Variants in GRID2 observed in about 807,000 individuals in gnomAD.
GRID2 encodes the protein glutamate receptor ionotropic, delta-2.
A neutral mutation model predicts 114.8 loss-of-function variants in GRID2; 33 were observed. That is an observed-to-expected ratio of 0.29 (90% CI 0.22 to 0.38). The LOEUF is 0.38. Ranked by LOEUF, GRID2 falls within the 10% of genes least tolerant of loss-of-function variation. The pLI is 1.00. For missense variants in GRID2, 1,184 were observed against 1,257.7 expected (o/e 0.94, Z 0.89); for synonymous variants, 505 against 449.9 (o/e 1.12, Z -1.55).
intron 1 of GRID2, among the ~76,000 whole-genome samples, chr4:92,409,771 A>G (rs908524483): frequency 2.0e-5 from 3 of 152,218 alleles, no homozygotes; most frequent in South Asian, 2.1e-4. Context: ...TTTAGTTTCA[A>G]CATCCCTGCA....
intron 14 of GRID2, among the ~76,000 whole-genome samples, chr4:93,681,833 G>T (rs1725576647): frequency 6.6e-6 from 1 of 152,042 alleles, no homozygotes; most frequent in African/African-American, 2.4e-5. Flanking sequence ...AACCCTAGAA[G>T]AAAACCTAGG....
At chr4:93,389,737 A>T (rs979670077) in intron 8 of GRID2, among the ~76,000 whole-genome samples, 5 of 152,162 alleles carry the variant, frequency 3.3e-5, no homozygotes, top group Admixed American at 3.3e-4. Flanking sequence ...AAAGAGGTTA[A>T]GTAGCCATTC....
At chr4:93,502,790 T>A (rs897901125) in intron 12 of GRID2, among the ~76,000 whole-genome samples, 11 of 146,746 alleles carry the variant, frequency 7.5e-5, no homozygotes, top group Non-Finnish European at 1.3e-4. Flanking sequence ...GCCCAGATGC[T>A]AAAGAGGGAT....
At chr4:92,714,800 C>T (rs1735451214) in intron 2 of GRID2, among the ~76,000 whole-genome samples, 1 of 152,126 alleles carries the variant, frequency 6.6e-6, no homozygotes, top group Non-Finnish European at 1.5e-5. Flanking sequence ...GTCCCTAGAG[C>T]ACACAGCAGA....
At chr4:93,795,178 ATTTCT>A (rs10542074) in intron 1 of GRID2, among the ~76,000 whole-genome samples, 32,924 of 151,752 alleles carry the variant, frequency 0.22, 4,166 homozygotes, top group African/African-American at 0.36. Context: ...CACAAAAATA[ATTTCT>A]TTTCATAATA....
At chr4:92,511,756 T>A (rs957222383) in intron 1 of GRID2, among the ~76,000 whole-genome samples, 6 of 151,792 alleles carry the variant, frequency 4.0e-5, no homozygotes, top group Non-Finnish European at 7.4e-5. Flanking sequence ...CTATAAAAAT[T>A]AAGTGGAGCT....
chr4:92,646,273 T>C (rs186660199), intron 2 of GRID2, among the ~76,000 whole-genome samples: 42 of 152,324 alleles, frequency 2.8e-4, no homozygotes, highest in African/African-American at 9.6e-4. Context: ...TAGCCCAATT[T>C]TTAAAAATTG....
intron 1 of GRID2, among the ~76,000 whole-genome samples, chr4:92,382,486 T>C (rs1729667509): frequency 6.6e-6 from 1 of 152,052 alleles, no homozygotes; most frequent in African/African-American, 2.4e-5. Flanking sequence ...GTGATTTTAA[T>C]TTCAAAGAAT....
rs948455514 is a variant in GRID2, at chr4:93,532,912, A to G, written c.2193+17501A>G. Among the ~76,000 whole-genome samples, 5 of 152,166 alleles carry G rather than the reference A, an allele frequency of 3.3e-5. No homozygotes were observed. The South Asian group carries it at 1.0e-3, about 32-fold the overall frequency. ...AGTATTTTGCATATTATTTGATAATATACTGTTTGAATCAGGAATCTTATC... is the reference window on the plus strand; with the variant it reads ...AGTATTTTGCATATTATTTGATAATGTACTGTTTGAATCAGGAATCTTATC... On this transcript the variant is annotated intron_variant, in intron 13 of 15. Coordinates refer to ENST00000282020, the MANE Select transcript of GRID2 (RefSeq NM_001510.4).
intron 2 of GRID2, among the ~76,000 whole-genome samples, chr4:92,690,231 C>T (rs1012835279): frequency 6.6e-6 from 1 of 151,810 alleles, no homozygotes; most frequent in Non-Finnish European, 1.5e-5. Flanking sequence ...GTATATGACT[C>T]TTCAGTTGAA....
chr4:92,919,380 C>A (rs1413763752), intron 2 of GRID2, among the ~76,000 whole-genome samples: 1 of 152,068 alleles, frequency 6.6e-6, no homozygotes, highest in Non-Finnish European at 1.5e-5. Context: ...TTAGTTATTT[C>A]TTGCCTTCTG....
chr4:92,683,721 A>C (rs1733764932), intron 2 of GRID2, among the ~76,000 whole-genome samples: 1 of 152,004 alleles, frequency 6.6e-6, no homozygotes. Context: ...ATAAAAGGAT[A>C]GAAAAATACA....
intron 2 of GRID2, among the ~76,000 whole-genome samples, chr4:92,624,604 A>C (rs1730431844): frequency 6.6e-6 from 1 of 151,874 alleles, no homozygotes; most frequent in South Asian, 2.1e-4. Context: ...ATGAGATAAC[A>C]TTACATTTAA....
intron 2 of GRID2, among the ~76,000 whole-genome samples, chr4:92,730,190 A>G (rs1736266939): frequency 6.6e-6 from 1 of 151,790 alleles, no homozygotes; most frequent in African/African-American, 2.4e-5. Context: ...GGGATAATAT[A>G]CTCCTCAACA....
chr4:93,042,269 C>T (rs982003145), intron 2 of GRID2, among the ~76,000 whole-genome samples: 4 of 81,484 alleles, frequency 4.9e-5, no homozygotes, highest in African/African-American at 2.1e-4. Flanking sequence ...CTCTCTCTCT[C>T]TCTCTTTCTC....
chr4:93,096,355 A>C, intron 3 of GRID2, among the ~76,000 whole-genome samples: 1 of 152,054 alleles, frequency 6.6e-6, no homozygotes, highest in East Asian at 1.9e-4. Flanking sequence ...CTTTCTCAAA[A>C]TTAAAACGTT....
At chr4:92,737,205 TA>T (rs963051384) in intron 2 of GRID2, among the ~76,000 whole-genome samples, 6 of 152,088 alleles carry the variant, frequency 3.9e-5, no homozygotes, top group African/African-American at 1.4e-4. Context: ...ATCCTCATTG[TA>T]AAAGGGTCTC....
chr4:93,459,254 GAA>G (rs1723512494), intron 11 of GRID2, among the ~76,000 whole-genome samples: 1 of 143,554 alleles, frequency 7.0e-6, no homozygotes, highest in African/African-American at 2.6e-5. Flanking sequence ...TAAGATTACA[GAA>G]AAAGAGTGAA....
At chr4:93,714,943 C>T (rs973737482) in intron 14 of GRID2, among the ~76,000 whole-genome samples, 1 of 152,158 alleles carries the variant, frequency 6.6e-6, no homozygotes, top group Non-Finnish European at 1.5e-5. Flanking sequence ...AATTAGATCC[C>T]ATTTGTCAAT....
Sources: allele counts gnomAD v4.1 joint callset (sites outside exome capture counted in the v4.1 genomes callset), GRCh38; gene constraint gnomAD v4.1.1; transcripts MANE v1.5; gene names NCBI Gene and HGNC (gene_info 2026-07-23, HGNC 2026-07-21).